Variants in PDGFC observed in about 807,000 individuals in gnomAD.
The protein encoded by PDGFC is platelet-derived growth factor C.
In PDGFC, 12 loss-of-function variants were observed where a neutral mutation model predicts 35.5. That is an observed-to-expected ratio of 0.34 (90% CI 0.22 to 0.55). PDGFC has a LOEUF of 0.55. PDGFC is among the 20% of genes least tolerant of loss of function. PDGFC has a pLI of 0.91. For synonymous variants in PDGFC, 159 were observed against 148.8 expected, an observed-to-expected ratio of 1.07 and a Z score of -0.50; for missense variants, 322 against 412.4, an observed-to-expected ratio of 0.78 and a Z score of 1.90.
At chr4:156,826,174 A>AATTTT (rs1288749370) in intron 2 of PDGFC, among the ~76,000 whole-genome samples, 7 of 43,768 alleles carry the variant, frequency 1.6e-4, no homozygotes, top group African/African-American at 5.7e-4. Flanking sequence ...TTTGAGTTGG[A>AATTTT]TTTTTTTTTT....
At chr4:156,815,135 T>G (rs1230161792) in intron 2 of PDGFC, among the ~76,000 whole-genome samples, 1 of 152,122 alleles carries the variant, frequency 6.6e-6, no homozygotes, top group Admixed American at 6.6e-5. Flanking sequence ...TATAAAACAG[T>G]AGAACTTAGC....
intron 1 of PDGFC, 134 bp downstream of exon 1, chr4:156,970,652 G>C (rs142209320): frequency 1.5e-6 from 1 of 684,508 alleles, no homozygotes; most frequent in East Asian, 2.5e-5. Context: ...GCCAATGAAC[G>C]CAGCGCACAT....
intron 3 of PDGFC, among the ~76,000 whole-genome samples, chr4:156,774,769 T>C (rs567529361): frequency 2.0e-5 from 3 of 152,010 alleles, no homozygotes; most frequent in Non-Finnish European, 2.9e-5. Context: ...CTTCCTTGCC[T>C]GGATTACTCA....
intron 2 of PDGFC, among the ~76,000 whole-genome samples, chr4:156,818,745 G>C (rs546470056): frequency 1.3e-5 from 2 of 151,864 alleles, no homozygotes; most frequent in Non-Finnish European, 2.9e-5. Flanking sequence ...CTCGTGATCC[G>C]CCCGCCTGGG....
chr4:156,816,180 A>C (rs1336676345), intron 2 of PDGFC, among the ~76,000 whole-genome samples: 1 of 152,222 alleles, frequency 6.6e-6, no homozygotes, highest in Non-Finnish European at 1.5e-5. Flanking sequence ...ATGCTAACTA[A>C]AACCCTGTCA....
intron 1 of PDGFC, among the ~76,000 whole-genome samples, chr4:156,858,067 G>A (rs1397788993): frequency 6.6e-6 from 1 of 152,016 alleles, no homozygotes; most frequent in Non-Finnish European, 1.5e-5. Context: ...ATATGTTTGG[G>A]TTTACCTGGA....
intron 2 of PDGFC, among the ~76,000 whole-genome samples, chr4:156,817,919 C>A (rs533480992): frequency 1.3e-5 from 2 of 151,006 alleles, no homozygotes; most frequent in Non-Finnish European, 3.0e-5. Context: ...ATTAGCCTGG[C>A]GTGGTGGCGG....
At chr4:156,924,855 C>T (rs369637450) in intron 1 of PDGFC, among the ~76,000 whole-genome samples, 1 of 152,120 alleles carries the variant, frequency 6.6e-6, no homozygotes, top group Non-Finnish European at 1.5e-5. Flanking sequence ...TAAGTCTGGG[C>T]AATCTTTTTG....
chr4:156,929,951 G>A (rs116371331), intron 1 of PDGFC, among the ~76,000 whole-genome samples: 164 of 152,210 alleles, frequency 1.1e-3, no homozygotes, highest in African/African-American at 3.8e-3. Context: ...AAAATCTTTG[G>A]GTCACACATG....
At chr4:156,918,996 A>T (rs1227812835) in intron 1 of PDGFC, among the ~76,000 whole-genome samples, 1 of 152,232 alleles carries the variant, frequency 6.6e-6, no homozygotes, top group African/African-American at 2.4e-5. Context: ...ACGACTTACC[A>T]AGCATGAACA....
At chr4:156,893,041 C>T (rs770636594) in intron 1 of PDGFC, among the ~76,000 whole-genome samples, 4 of 152,026 alleles carry the variant, frequency 2.6e-5, no homozygotes, top group African/African-American at 4.8e-5. Flanking sequence ...TAACCAGGAC[C>T]TTATAAAATC....
intron 1 of PDGFC, among the ~76,000 whole-genome samples, chr4:156,909,867 T>C (rs1403826229): frequency 6.6e-6 from 1 of 152,274 alleles, no homozygotes; most frequent in East Asian, 1.9e-4. Flanking sequence ...TGGATTTACA[T>C]TGTACCCTAA....
intron 2 of PDGFC, among the ~76,000 whole-genome samples, chr4:156,827,156 G>A (rs1290273091): frequency 6.6e-6 from 1 of 152,094 alleles, no homozygotes; most frequent in African/African-American, 2.4e-5. Context: ...AGTGGCACAC[G>A]CCTGAAATTC....
intron 1 of PDGFC, among the ~76,000 whole-genome samples, chr4:156,888,916 A>G (rs1285089806): frequency 6.6e-6 from 1 of 152,144 alleles, no homozygotes. Flanking sequence ...GTTTCTCAAG[A>G]TCTGTTAAGA....
rs1730389854 is a variant in PDGFC, at chr4:156,762,058, TATG to T, written c.*1029_*1031del. ...CATCTCCAATAACAGGAATGGAAGATATGATAATTTAATTATTTTCAAAAAGTC... is the reference window on the plus strand; with the variant it reads ...CATCTCCAATAACAGGAATGGAAGATATAATTTAATTATTTTCAAAAAGTC... On this transcript the variant is annotated 3_prime_UTR_variant, in exon 6 of 6. Transcript: ENST00000502773. 1 of 152,662 alleles carries T rather than the reference TATG, an allele frequency of 6.6e-6. No individual in the cohort carries two copies. Among genetic ancestry groups the T allele is most frequent in the Non-Finnish European group, 1.5e-5 (1 of 68,036 alleles). The allele number at this position is 152,662 out of a possible 1,614,324, so 9.5% of individuals were successfully genotyped here. A position where few individuals can be genotyped will look rare whatever the true frequency, so the allele number is the denominator to read the frequency against.
chr4:156,824,321 T>TACAC (rs1282230939), intron 2 of PDGFC, among the ~76,000 whole-genome samples: 2,459 of 96,182 alleles, frequency 0.026, 82 homozygotes, highest in African/African-American at 0.048. Context: ...TATATATATA[T>TACAC]ATATATACAC....
At chr4:156,840,954 T>C (rs1238231083) in intron 2 of PDGFC, among the ~76,000 whole-genome samples, 1 of 152,200 alleles carries the variant, frequency 6.6e-6, no homozygotes, top group African/African-American at 2.4e-5. Context: ...TCAATGCCTG[T>C]ACCCCCATTG....
chr4:156,963,971 C>T (rs750995812), intron 1 of PDGFC, among the ~76,000 whole-genome samples: 31 of 145,098 alleles, frequency 2.1e-4, no homozygotes, highest in South Asian at 1.9e-3. Flanking sequence ...TATTTTCTGA[C>T]GGTCTTGACC....
chr4:156,887,938 G>A (rs1262039228), intron 1 of PDGFC, among the ~76,000 whole-genome samples: 1 of 151,390 alleles, frequency 6.6e-6, no homozygotes, highest in East Asian at 1.9e-4. Context: ...AGGAGGTTGA[G>A]GCTGCAGTGA....
Sources: allele counts gnomAD v4.1 joint callset (sites outside exome capture counted in the v4.1 genomes callset), GRCh38; gene constraint gnomAD v4.1.1; transcripts MANE v1.5; gene names NCBI Gene and HGNC (gene_info 2026-07-23, HGNC 2026-07-21).